The following GARIN1A variants were observed in gnomAD, a reference collection of about 807,000 sequenced individuals.
GARIN1A encodes golgi associated RAB2 interactor 1A.
At chr7:128,682,227 G>A in the GARIN1A span, among the ~76,000 whole-genome samples, 2 of 152,110 alleles carry the variant, frequency 1.3e-5, no homozygotes, top group African/African-American at 4.8e-5. Flanking sequence ...CTCTCCCCAC[G>A]TGACAACCCA....
At chr7:128,699,308 A>G in the GARIN1A span, among the ~76,000 whole-genome samples, 1 of 133,578 alleles carries the variant, frequency 7.5e-6, no homozygotes, top group Non-Finnish European at 1.6e-5. Flanking sequence ...TGAAACAAGC[A>G]CTTCAACTGC....
chr7:128,707,972 TTC>T, the GARIN1A span, among the ~76,000 whole-genome samples: 4 of 150,840 alleles, frequency 2.7e-5, no homozygotes, highest in East Asian at 3.9e-4. Flanking sequence ...CCTCCTTTAT[TTC>T]TCTCTCTCTC....
At chr7:128,683,506 C>CTT in the GARIN1A span, 1 of 144,606 alleles carries the variant, frequency 6.9e-6, no homozygotes, top group Non-Finnish European at 1.5e-5. Flanking sequence ...GAGTCTTGCT[C>CTT]TGTCTCCAGG....
At chr7:128,699,457 C>T in the GARIN1A span, among the ~76,000 whole-genome samples, 3 of 152,154 alleles carry the variant, frequency 2.0e-5, no homozygotes, top group African/African-American at 7.2e-5. Context: ...TGAAGATTTT[C>T]GGGGATGCTT....
At chr7:128,675,557 G>C in the GARIN1A span, 1 of 1,016,846 alleles carries the variant, frequency 9.8e-7, no homozygotes, top group Non-Finnish European at 1.5e-6. Context: ...TAGCAGGTCA[G>C]GGCCCAGCCC....
the GARIN1A span, among the ~76,000 whole-genome samples, chr7:128,708,840 C>T: frequency 7.2e-5 from 11 of 152,278 alleles, no homozygotes; most frequent in South Asian, 1.0e-3. Flanking sequence ...CTTCTTCCCA[C>T]GGGTTGCTAA....
At chr7:128,694,556 AG>A in the GARIN1A span, among the ~76,000 whole-genome samples, 2 of 151,906 alleles carry the variant, frequency 1.3e-5, no homozygotes, top group Admixed American at 1.3e-4. Context: ...AAAGAAAGAA[AG>A]AAAAAAACCA....
At chr7:128,677,672 A>C in the GARIN1A span, 2 of 1,613,762 alleles carry the variant, frequency 1.2e-6, no homozygotes, top group South Asian at 2.2e-5. Context: ...TCCACGAAAA[A>C]CACCCAGAGA....
At chr7:128,703,606 G>A in the GARIN1A span, among the ~76,000 whole-genome samples, 3 of 152,084 alleles carry the variant, frequency 2.0e-5, no homozygotes, top group Admixed American at 6.6e-5. Flanking sequence ...GAGAGATCCC[G>A]TCTCTACAAC....
the GARIN1A span, chr7:128,693,435 CTGT>C: frequency 2.5e-3 from 349 of 140,714 alleles, no homozygotes; most frequent in Middle Eastern, 7.0e-3. Flanking sequence ...TCCTGCCACT[CTGT>C]CTGTAGTCAT....
the GARIN1A span, among the ~76,000 whole-genome samples, chr7:128,676,106 G>A: frequency 1.4e-5 from 2 of 145,882 alleles, no homozygotes; most frequent in Non-Finnish European, 3.0e-5. Flanking sequence ...TGCAAGCCCC[G>A]CCTCCCGGGT....
At chr7:128,699,377 T>C in the GARIN1A span, among the ~76,000 whole-genome samples, 1 of 151,172 alleles carries the variant, frequency 6.6e-6, no homozygotes, top group Non-Finnish European at 1.5e-5. Context: ...TTCTGTAACC[T>C]TCTAAGGTCA....
chr7:128,677,439 A>G, the GARIN1A span: 1 of 1,068,726 alleles, frequency 9.4e-7, no homozygotes, highest in Non-Finnish European at 1.3e-6. Flanking sequence ...CCCCGGGGGC[A>G]GAGCCTGCAG....
the GARIN1A span, chr7:128,675,650 C>A: frequency 6.2e-7 from 1 of 1,611,782 alleles, no homozygotes. Flanking sequence ...CCTTTCTGAC[C>A]CATGTACCTG....
chr7:128,678,147 A>C, the GARIN1A span: 1 of 188,830 alleles, frequency 5.3e-6, no homozygotes, highest in African/African-American at 2.4e-5. Context: ...CAGCCTCCAG[A>C]GTAGCTGGGA....
At chr7:128,689,433 T>A in the GARIN1A span, among the ~76,000 whole-genome samples, 2 of 150,092 alleles carry the variant, frequency 1.3e-5, no homozygotes, top group East Asian at 4.0e-4. Context: ...GGAGCGCCTC[T>A]GCCCGGCCGT....
the GARIN1A span, chr7:128,682,852 C>A: frequency 6.5e-6 from 5 of 773,474 alleles, no homozygotes; most frequent in Non-Finnish European, 8.1e-6. Context: ...GCTAGGATTA[C>A]AGGTGTGAGC....
the GARIN1A span, chr7:128,680,191 T>C: frequency 8.3e-7 from 1 of 1,211,716 alleles, no homozygotes; most frequent in Non-Finnish European, 1.2e-6. Context: ...CTTCCTCCAG[T>C]GTGAAGTCAT....
the GARIN1A span, among the ~76,000 whole-genome samples, chr7:128,689,922 T>C: frequency 6.6e-6 from 1 of 152,044 alleles, no homozygotes; most frequent in Admixed American, 6.5e-5. Flanking sequence ...CAACAGCTCA[T>C]TGAGAACGGG....
Sources: gnomAD v4.1 joint callset for allele counts (sites outside exome capture counted in the v4.1 genomes callset) on GRCh38, gnomAD v4.1.1 for gene constraint, MANE v1.5 for transcripts, NCBI Gene and HGNC (gene_info 2026-07-23, HGNC 2026-07-21) for gene names.